The following MTUS2 variants were observed in gnomAD, a reference collection of about 807,000 sequenced individuals.
The protein encoded by MTUS2 is microtubule-associated tumor suppressor candidate 2.
A neutral mutation model predicts 114.1 loss-of-function variants in MTUS2; 40 were observed. The ratio of observed to expected loss-of-function variants is 0.35; its 90% CI spans 0.27 to 0.46. The LOEUF (loss-of-function observed/expected upper bound fraction) is 0.46. MTUS2 is among the 20% of genes least tolerant of loss of function. The pLI is 1.00. For missense variants in MTUS2, 1,679 were observed against 1,705.4 expected (o/e 0.98, Z 0.27); for synonymous variants, 688 against 672.0 (o/e 1.02, Z -0.37).
At chr13:29,492,819 C>A in intron 12 of MTUS2, 100 bp downstream of exon 12, 1 of 870,694 alleles carries the variant, frequency 1.1e-6, no homozygotes, top group Non-Finnish European at 1.9e-6. Context: ...GTACTAAATC[C>A]TGTACTAAAC....
intron 2 of MTUS2, among the ~76,000 whole-genome samples, chr13:28,974,136 G>A (rs531367232): frequency 3.3e-5 from 5 of 152,218 alleles, no homozygotes; most frequent in South Asian, 2.1e-4. Context: ...CTAACTGGAC[G>A]GTGAGTAGTT....
intron 8 of MTUS2, among the ~76,000 whole-genome samples, chr13:29,369,784 T>A (rs532694744): frequency 6.6e-6 from 1 of 152,322 alleles, no homozygotes; most frequent in African/African-American, 2.4e-5. Context: ...AGAACAAAGA[T>A]TTATCATAAG....
chr13:29,073,656 A>G (rs971864290), intron 4 of MTUS2, among the ~76,000 whole-genome samples: 4 of 152,122 alleles, frequency 2.6e-5, no homozygotes, highest in African/African-American at 7.3e-5. Context: ...TGCAGGCACC[A>G]TGTGTACATC....
At position 29,026,312 on chromosome 13, in the gene MTUS2, A is replaced by G. The variant is rs562991061; in HGVS notation, c.1614A>G (p.Pro538=). ...TCAATATTCCAGCACCCCTCCACCC[A>G]GAGACAACTGTGAACATGACCTACC... ...SVLNIPAPLH[P]ETTVNMTYQP... is the part of the protein sequence containing the mutation. Residue 538 remains proline, a synonymous_variant, in exon 3 of 16, where the codon CCA becomes CCG. Transcript: ENST00000612955. The G allele has an allele frequency of 5.6e-6, 9 of 1,614,028 alleles. No individual in the cohort carries two copies. In the African/African-American group the frequency reaches 8.0e-5, roughly 14 times the overall value.
intron 2 of MTUS2, among the ~76,000 whole-genome samples, chr13:28,846,435 T>C (rs145646128): frequency 1.7e-4 from 26 of 152,374 alleles, no homozygotes; most frequent in Non-Finnish European, 2.2e-4. Flanking sequence ...CACCAGGACA[T>C]ACAGATACAC....
At chr13:28,934,900 C>T (rs1252469578) in intron 2 of MTUS2, among the ~76,000 whole-genome samples, 2 of 152,034 alleles carry the variant, frequency 1.3e-5, no homozygotes, top group African/African-American at 4.8e-5. Flanking sequence ...ACTGTGTAAC[C>T]ACCATCCCCA....
intron 2 of MTUS2, among the ~76,000 whole-genome samples, chr13:28,977,938 C>T (rs1884189811): frequency 6.6e-6 from 1 of 152,226 alleles, no homozygotes; most frequent in Non-Finnish European, 1.5e-5. Context: ...AATACATACA[C>T]TGTCTCTTTC....
At chr13:29,389,623 A>ACG (rs1873088309) in intron 8 of MTUS2, among the ~76,000 whole-genome samples, 2 of 45,512 alleles carry the variant, frequency 4.4e-5, no homozygotes, top group Non-Finnish European at 1.7e-4. Flanking sequence ...ATGTGTGTAT[A>ACG]TATGTATACA....
At chr13:29,342,445 TTTGA>T (rs1440761939) in intron 7 of MTUS2, among the ~76,000 whole-genome samples, 4 of 152,170 alleles carry the variant, frequency 2.6e-5, no homozygotes, top group Non-Finnish European at 4.4e-5. Context: ...GAGTTCTTGA[TTTGA>T]TTGTCAGTTT....
At chr13:28,910,278 G>T (rs1880330521) in intron 2 of MTUS2, among the ~76,000 whole-genome samples, 2 of 152,170 alleles carry the variant, frequency 1.3e-5, no homozygotes. Context: ...GAGAACATGT[G>T]AAGTTTCTCT....
chr13:29,271,845 CCAAT>C (rs1281652333), intron 5 of MTUS2, among the ~76,000 whole-genome samples: 2 of 152,144 alleles, frequency 1.3e-5, no homozygotes, highest in Non-Finnish European at 2.9e-5. Flanking sequence ...TCAAGGGTGA[CCAAT>C]CAATGTTTTG....
At chr13:29,257,497 A>G (rs1443434958) in intron 5 of MTUS2, among the ~76,000 whole-genome samples, 1 of 152,244 alleles carries the variant, frequency 6.6e-6, no homozygotes, top group African/African-American at 2.4e-5. Context: ...ATAAAAAATC[A>G]TGATATATTC....
intron 1 of MTUS2, among the ~76,000 whole-genome samples, chr13:28,827,769 A>C (rs1401604392): frequency 6.6e-6 from 1 of 152,186 alleles, no homozygotes. Flanking sequence ...AAAACCAGCA[A>C]GTTTTTATTA....
intron 2 of MTUS2, among the ~76,000 whole-genome samples, chr13:28,941,163 G>A (rs557020437): frequency 6.6e-6 from 1 of 151,702 alleles, no homozygotes; most frequent in East Asian, 1.9e-4. Context: ...CAACTTTTTG[G>A]TCTTAGGTCC....
At chr13:29,069,558 CAGATATCTG>C (rs529514774) in intron 4 of MTUS2, among the ~76,000 whole-genome samples, 426 of 152,254 alleles carry the variant, frequency 2.8e-3, no homozygotes, top group African/African-American at 9.4e-3. Context: ...AATGTTTAAC[CAGATATCTG>C]AGTATCCCAT....
At chr13:29,491,934 GGTGT>G (rs963313528) in intron 11 of MTUS2, among the ~76,000 whole-genome samples, 1 of 141,316 alleles carries the variant, frequency 7.1e-6, no homozygotes, top group Admixed American at 7.1e-5. Flanking sequence ...GTGTGTGGTA[GGTGT>G]GTGTGTGGCA....
At chr13:29,278,068 C>G (rs1006302677) in intron 5 of MTUS2, among the ~76,000 whole-genome samples, 3 of 152,118 alleles carry the variant, frequency 2.0e-5, no homozygotes, top group Non-Finnish European at 4.4e-5. Context: ...ATGCAAGGAA[C>G]TTAGACTATT....
At position 29,487,818 on chromosome 13, in the gene MTUS2, A is replaced by G. The variant is rs770464593; in HGVS notation, c.3400-82A>G. On this transcript the variant is annotated intron_variant, in intron 10 of 15. Transcript: ENST00000612955. ...TGACTTGTCATTGATGTTTTGGGTC[A>G]CGGACCTTTTCCACTCACGGAATTC... 7.0e-5 allele frequency: 76 copies of G among 1,078,088 alleles called. 1 individual carries two copies. The South Asian group carries it at 9.3e-4, about 13-fold the overall frequency. 66.8% of individuals were successfully genotyped at this position (1,078,088 alleles called of 1,614,324 possible).
chr13:29,101,817 G>A (rs1890430746), intron 5 of MTUS2, among the ~76,000 whole-genome samples: 1 of 152,252 alleles, frequency 6.6e-6, no homozygotes, highest in Admixed American at 6.5e-5. Flanking sequence ...GAAAGAGAGA[G>A]AGAGAGATCG....
Sources: gnomAD v4.1 joint callset for allele counts (sites outside exome capture counted in the v4.1 genomes callset) on GRCh38, gnomAD v4.1.1 for gene constraint, MANE v1.5 for transcripts, NCBI Gene and HGNC (gene_info 2026-07-23, HGNC 2026-07-21) for gene names.